Variants in CABLES1 observed in about 807,000 individuals in gnomAD.
CABLES1 encodes the protein CDK5 and ABL1 enzyme substrate 1.
CABLES1 carries 36 observed loss-of-function variants against 57.8 expected under a neutral mutation model. That is an observed-to-expected ratio of 0.62 (90% CI 0.48 to 0.82). The LOEUF is 0.82. CABLES1 is among the 40% of genes least tolerant of loss of function. The probability of loss-of-function intolerance (pLI) is 0.00; values close to 1 mark genes in which losing one functional copy is unlikely to be tolerated. For missense variants in CABLES1, 767 were observed against 836.6 expected (o/e 0.92, Z 1.03); for synonymous variants, 374 against 363.0 (o/e 1.03, Z -0.35).
At chr18:23,179,824 G>GT (rs2047151576) in intron 1 of CABLES1, among the ~76,000 whole-genome samples, 1 of 152,270 alleles carries the variant, frequency 6.6e-6, no homozygotes, top group Non-Finnish European at 1.5e-5. Flanking sequence ...AAGGGTCTGT[G>GT]TATCTTCTGT....
At chr18:23,245,503 C>CA (rs914289893) in intron 7 of CABLES1, among the ~76,000 whole-genome samples, 6,802 of 94,454 alleles carry the variant, frequency 0.072, 205 homozygotes, top group Middle Eastern at 0.14. Flanking sequence ...CATCCTGTCT[C>CA]AAAAAAAAAA....
At chr18:23,229,209 T>C (rs2047549464) in intron 4 of CABLES1, among the ~76,000 whole-genome samples, 1 of 152,108 alleles carries the variant, frequency 6.6e-6, no homozygotes, top group Non-Finnish European at 1.5e-5. Flanking sequence ...GTTCAGGGGT[T>C]CAAGACCACC....
chr18:23,157,597 G>A (rs1008066059), intron 1 of CABLES1, among the ~76,000 whole-genome samples: 1 of 152,190 alleles, frequency 6.6e-6, no homozygotes, highest in Non-Finnish European at 1.5e-5. Context: ...GGCAAGATAG[G>A]AAGAGTGCCT....
chr18:23,225,900 C>T (rs563736113), intron 4 of CABLES1, among the ~76,000 whole-genome samples: 1 of 152,364 alleles, frequency 6.6e-6, no homozygotes, highest in South Asian at 2.1e-4. Flanking sequence ...CTCTTCCCCT[C>T]GCTTTCCAGC....
At chr18:23,197,320 G>A (rs1239504264) in intron 3 of CABLES1, 1 of 152,230 alleles carries the variant, frequency 6.6e-6, no homozygotes, top group Non-Finnish European at 1.5e-5. Flanking sequence ...TGTGACACTG[G>A]ACCACAAATC....
chr18:23,198,624 A>G (rs565847216), intron 3 of CABLES1, among the ~76,000 whole-genome samples: 4 of 152,360 alleles, frequency 2.6e-5, no homozygotes, highest in East Asian at 1.9e-4. Flanking sequence ...AAAGCGGAAG[A>G]AGGAGGCAGG....
intron 1 of CABLES1, among the ~76,000 whole-genome samples, chr18:23,143,696 T>C (rs1202030866): frequency 1.3e-5 from 2 of 152,150 alleles, no homozygotes; most frequent in East Asian, 3.9e-4. Context: ...AGCCCAGTGC[T>C]CTGTGCCCAG....
intron 2 of CABLES1, among the ~76,000 whole-genome samples, chr18:23,191,820 G>A (rs770195880): frequency 4.0e-5 from 6 of 148,582 alleles, no homozygotes; most frequent in African/African-American, 7.4e-5. Flanking sequence ...CTGAGCGCCC[G>A]GTATTCCAGT....
chr18:23,235,968 C>T lies in CABLES1; in HGVS notation c.1259C>T (p.Ser420Phe), dbSNP rs1196472635. 1 of 1,614,122 alleles carries T rather than the reference C, an allele frequency of 6.2e-7. No individual in the cohort carries two copies. Among genetic ancestry groups the T allele is most frequent in the African/African-American group, 1.3e-5 (1 of 74,936 alleles). ...GARRNTIDSTSSFSQFRNLSH... is the reference protein window; with the variant it reads ...GARRNTIDSTFSFSQFRNLSH... ...CGGAGAAATACCATAGACTCCACCTCCTCTTTCTCCCAGTTCCGTAACCTG... is the reference window on the plus strand; with the variant it reads ...CGGAGAAATACCATAGACTCCACCTTCTCTTTCTCCCAGTTCCGTAACCTG... The change falls in exon 6 of 10, where the codon TCC becomes TTC. Residue 420 changes from serine to phenylalanine, a missense_variant. By Grantham distance (155) the Ser-to-Phe change is radical. This residue lies in a region of CABLES1 where 529 missense variants were observed against 622.8 expected (regional missense o/e 0.85). Coordinates refer to ENST00000256925, the MANE Select transcript of CABLES1 (RefSeq NM_001100619.3).
intron 1 of CABLES1, among the ~76,000 whole-genome samples, chr18:23,179,403 C>G (rs947574468): frequency 2.6e-5 from 4 of 152,234 alleles, no homozygotes; most frequent in Non-Finnish European, 4.4e-5. Flanking sequence ...CAGTGACTCC[C>G]CCACCCCAGG....
At chr18:23,197,210 A>C (rs1489497460) in intron 3 of CABLES1, 1 of 152,198 alleles carries the variant, frequency 6.6e-6, no homozygotes, top group Non-Finnish European at 1.5e-5. Context: ...AAAACAAAAA[A>C]CTTAAATATA....
At chr18:23,223,782 C>T (rs2047507608) in intron 4 of CABLES1, among the ~76,000 whole-genome samples, 1 of 151,998 alleles carries the variant, frequency 6.6e-6, no homozygotes, top group Non-Finnish European at 1.5e-5. Flanking sequence ...TTCTGAAGCC[C>T]AGCATGGCCA....
intron 1 of CABLES1, among the ~76,000 whole-genome samples, chr18:23,187,092 A>G (rs927035517): frequency 6.6e-6 from 1 of 152,146 alleles, no homozygotes; most frequent in East Asian, 1.9e-4. Flanking sequence ...CTACTCATGA[A>G]CTGGCTACCT....
intron 1 of CABLES1, among the ~76,000 whole-genome samples, chr18:23,160,103 T>G (rs1440162325): frequency 1.3e-5 from 2 of 151,436 alleles, no homozygotes; most frequent in Non-Finnish European, 2.9e-5. Context: ...AGTGGCGCGA[T>G]CTCCACTCAC....
intron 1 of CABLES1, among the ~76,000 whole-genome samples, chr18:23,157,609 A>G (rs2144970005): frequency 6.6e-6 from 1 of 152,344 alleles, no homozygotes; most frequent in Admixed American, 6.5e-5. Context: ...AGAGTGCCTT[A>G]AATGATGGAA....
At position 23,150,207 on chromosome 18, in the gene CABLES1, GTTTT is replaced by G. The variant is rs10638130; in HGVS notation, c.845+13616_845+13619del. Among the ~76,000 whole-genome samples the G allele has an allele frequency of 3.7e-5, 4 of 106,672 alleles. No homozygotes were observed. The Admixed American group carries it at 4.2e-4, about 11-fold the overall frequency. 70.0% of individuals were successfully genotyped at this position (106,672 alleles called of 152,430 possible). On this transcript the variant is annotated intron_variant, in intron 1 of 9. Transcript: ENST00000256925. ...TTTAAGGTCATAGTAGTTGGTGTTT[GTTTT>G]TTTTTTTTTTTTTTTGAGACGGAGT...
At chr18:23,153,423 A>AAC (rs1161838896) in intron 1 of CABLES1, among the ~76,000 whole-genome samples, 1 of 151,922 alleles carries the variant, frequency 6.6e-6, no homozygotes, top group African/African-American at 2.4e-5. Context: ...ATTAATTTTG[A>AAC]ACACAACAAT....
At chr18:23,243,775 G>A (rs770792565) in intron 7 of CABLES1, among the ~76,000 whole-genome samples, 21 of 151,520 alleles carry the variant, frequency 1.4e-4, no homozygotes, top group Non-Finnish European at 2.1e-4. Flanking sequence ...AGGAGGCTGA[G>A]GCAGGAGAAT....
chr18:23,247,793 A>C (rs1255154165), intron 7 of CABLES1, among the ~76,000 whole-genome samples: 1 of 152,240 alleles, frequency 6.6e-6, no homozygotes, highest in Non-Finnish European at 1.5e-5. Flanking sequence ...AGGCCAGGAC[A>C]GAAGGCCGGG....
Sources: allele counts gnomAD v4.1 joint callset (sites outside exome capture counted in the v4.1 genomes callset), GRCh38; gene constraint gnomAD v4.1.1; regional missense constraint gnomAD v4.1.1; transcripts MANE v1.5; gene names NCBI Gene and HGNC (gene_info 2026-07-23, HGNC 2026-07-21).